Variants in TMTC4 observed in about 807,000 individuals in gnomAD.
The protein encoded by TMTC4 is transmembrane O-mannosyltransferase targeting cadherins 4.
Under a neutral mutation model 86.0 loss-of-function variants are expected in TMTC4, and 65 were observed. That is an observed-to-expected ratio of 0.76 (90% CI 0.62 to 0.93). The LOEUF (loss-of-function observed/expected upper bound fraction) is 0.93. Among genes scored for constraint, TMTC4 ranks in the 40% least tolerant of loss-of-function variants. The pLI, the probability that TMTC4 is intolerant of heterozygous loss-of-function variation, is 0.00. For synonymous variants in TMTC4, 379 were observed against 382.5 expected (o/e 0.99, Z 0.11); for missense variants, 866 against 948.1 (o/e 0.91, Z 1.14).
chr13:100,619,995 A>C lies in TMTC4; in HGVS notation c.1836+5540T>G, dbSNP rs193118366. On this transcript the variant is annotated intron_variant, in intron 15 of 18. Coordinates refer to ENST00000342624, the MANE Select transcript of TMTC4 (RefSeq NM_032813.5). ...TACTATTTATTGAAGAATAGACTGA[A>C]TCAGATAAAATTTAGTTTCATTTTG... 3.9e-5 allele frequency among the ~76,000 whole-genome samples: 6 copies of C among 152,360 alleles called. No individual in the cohort carries two copies. In the East Asian group the frequency reaches 1.2e-3, roughly 29 times the overall value.
intron 6 of TMTC4, among the ~76,000 whole-genome samples, chr13:100,643,508 T>C (rs1008375090): frequency 1.3e-5 from 2 of 152,218 alleles, no homozygotes; most frequent in Non-Finnish European, 1.5e-5. Flanking sequence ...GAAAAACTCA[T>C]AAAGAATGCT....
intron 6 of TMTC4, among the ~76,000 whole-genome samples, chr13:100,645,571 C>T (rs1263551462): frequency 6.6e-6 from 1 of 151,844 alleles, no homozygotes; most frequent in Non-Finnish European, 1.5e-5. Flanking sequence ...GCCCCGTGCA[C>T]CTCTCCATGT....
intron 6 of TMTC4, among the ~76,000 whole-genome samples, chr13:100,651,496 CAAAAAAAAAAA>C (rs58783020): frequency 1.4e-5 from 1 of 73,058 alleles, no homozygotes; most frequent in Non-Finnish European, 2.6e-5. Flanking sequence ...ATTTATGCAC[CAAAAAAAAAAA>C]AAAAAAAAAA....
chr13:100,641,580 TG>T (rs1157522819), intron 7 of TMTC4, among the ~76,000 whole-genome samples: 4 of 152,148 alleles, frequency 2.6e-5, no homozygotes, highest in African/African-American at 9.7e-5. Context: ...CTCCGCCTCC[TG>T]GGTTCAAGCG....
Position 100,664,232 on chromosome 13 carries a change from G to A in TMTC4, c.324C>T (p.Val108=). The change falls in exon 4 of 19, where the codon GTC becomes GTT. Residue 108 remains valine (V), a synonymous_variant. Coordinates refer to ENST00000342624, the MANE Select transcript of TMTC4 (RefSeq NM_032813.5). The part of the protein sequence containing the change: ...TSHKSYRPLT[V]LTFRINYYLS... ...ATGTCACAGCTTACCTGAAAGTCAGGACGGTGAGAGGCCGGTAGGACTTGT... is the reference window on the plus strand; with the variant it reads ...ATGTCACAGCTTACCTGAAAGTCAGAACGGTGAGAGGCCGGTAGGACTTGT... 6.2e-7 allele frequency: 1 copy of A among 1,610,472 alleles called. No homozygotes were observed. Among genetic ancestry groups the A allele is most frequent in the Admixed American group, 1.7e-5 (1 of 59,652 alleles).
chr13:100,642,136 C>T, intron 7 of TMTC4, 75 bp downstream of exon 7: 1 of 1,505,080 alleles, frequency 6.6e-7, no homozygotes. Flanking sequence ...AGAGGCAGGG[C>T]CAGCCCCAGA....
At chr13:100,670,263 A>C in intron 2 of TMTC4, 97 bp downstream of exon 2, 1 of 1,426,578 alleles carries the variant, frequency 7.0e-7, no homozygotes, top group Non-Finnish European at 9.5e-7. Flanking sequence ...AATCAATAAG[A>C]AGCCAGCCAA....
chr13:100,604,443 G>A lies in TMTC4; in HGVS notation c.*551C>T, dbSNP rs931619027. 2 of 152,044 alleles carry A rather than the reference G, an allele frequency of 1.3e-5. No homozygotes were observed. The highest frequency in any genetic ancestry group is 2.9e-5 in the Non-Finnish European group (2 of 68,024). The allele number at this position is 152,044 out of a possible 1,614,324, so 9.4% of individuals were successfully genotyped here. On this transcript the variant is annotated 3_prime_UTR_variant, in exon 19 of 19. Transcript: ENST00000342624. ...ATGTTAAAACTTCCATTCCTCATTC[G>A]ATTATTTGCCCTATTCAAAACATAA...
chr13:100,658,567 A>T (rs758775264), intron 5 of TMTC4, among the ~76,000 whole-genome samples: 2 of 151,942 alleles, frequency 1.3e-5, no homozygotes, highest in Non-Finnish European at 2.9e-5. Flanking sequence ...ACCAAGGGGA[A>T]GTGAGGTGAA....
intron 5 of TMTC4, among the ~76,000 whole-genome samples, chr13:100,662,305 G>A (rs1885881947): frequency 2.7e-5 from 4 of 149,592 alleles, no homozygotes; most frequent in African/African-American, 4.9e-5. Context: ...TGCAGGCACC[G>A]CTTTCCAGTT....
intron 17 of TMTC4, among the ~76,000 whole-genome samples, chr13:100,612,081 C>A (rs1435481357): frequency 6.6e-6 from 1 of 152,218 alleles, no homozygotes; most frequent in East Asian, 1.9e-4. Flanking sequence ...GAGTCCTCCT[C>A]CTGCACCAGC....
At chr13:100,634,677 G>A in intron 12 of TMTC4, 128 bp downstream of exon 12, 2 of 1,215,674 alleles carry the variant, frequency 1.6e-6, no homozygotes, top group South Asian at 2.1e-5. Context: ...ACATAACAAA[G>A]AAAAACCCAA....
At position 100,634,458 on chromosome 13, in the gene TMTC4, G is replaced by C. The variant is rs17578973; in HGVS notation, c.1506+347C>G. On this transcript the variant is annotated intron_variant, in intron 12 of 18. Coordinates refer to ENST00000342624, the MANE Select transcript of TMTC4 (RefSeq NM_032813.5). ...TTTGAAAAGTGTGCTCTAGACATCA[G>C]AATCTGTGCCGTGCCCACCCTCAGT... is the stretch of plus-strand genomic sequence containing the variant. 6.3e-3 allele frequency among the ~76,000 whole-genome samples: 955 copies of C among 152,144 alleles called. 10 individuals are homozygous for C. Among genetic ancestry groups the C allele is most frequent in the Non-Finnish European group, 9.1e-3 (620 of 68,008 alleles).
chr13:100,668,345 G>A (rs867880039), intron 3 of TMTC4: 1 of 536,114 alleles, frequency 1.9e-6, no homozygotes, highest in African/African-American at 1.9e-5. Flanking sequence ...GTGGACTGGA[G>A]CTCTTGAGGG....
At chr13:100,639,193 A>T (rs1165811242) in intron 7 of TMTC4, among the ~76,000 whole-genome samples, 1 of 152,128 alleles carries the variant, frequency 6.6e-6, no homozygotes, top group Non-Finnish European at 1.5e-5. Context: ...ACATCATCAG[A>T]AGTCAGTGGT....
chr13:100,663,592 A>C (rs565574617), intron 4 of TMTC4, among the ~76,000 whole-genome samples: 2 of 152,128 alleles, frequency 1.3e-5, no homozygotes, highest in Admixed American at 6.5e-5. Context: ...TCCTCCAAAA[A>C]AGGGCTCCTC....
At chr13:100,637,416 G>A (rs1882387863) in intron 9 of TMTC4, 122 bp downstream of exon 9, 1 of 1,282,676 alleles carries the variant, frequency 7.8e-7, no homozygotes, top group Non-Finnish European at 1.1e-6. Flanking sequence ...AAACATGGAG[G>A]TGGCGCGTGT....
rs1880408071 is a variant in TMTC4, at chr13:100,625,789, T to C, written c.1690A>G (p.Ile564Val). 3 of 1,613,240 alleles carry C rather than the reference T, an allele frequency of 1.9e-6. No homozygotes were observed. The South Asian group carries it at 3.3e-5, about 18-fold the overall frequency. ...AATTATAAAAACAATGCTTACTGTA[T>C]TTGAACAGCCAAAGACAGCAGCTCC... ...AEELLSLAVQIQPDFAAAWMN... is the reference protein window; with the variant it reads ...AEELLSLAVQVQPDFAAAWMN... The change falls in exon 14 of 19, where the codon ATA (isoleucine) becomes GTA (valine). Residue 564 changes from isoleucine (I) to valine (V), a missense_variant. Physicochemically the swap from Ile to Val is conservative, Grantham distance 29. Transcript: ENST00000342624.
chr13:100,665,256 T>C (rs1886254776), intron 3 of TMTC4, among the ~76,000 whole-genome samples: 1 of 152,170 alleles, frequency 6.6e-6, no homozygotes, highest in African/African-American at 2.4e-5. Context: ...CAAGGCACTG[T>C]GGTGGAGTAA....
Sources: allele counts gnomAD v4.1 joint callset (sites outside exome capture counted in the v4.1 genomes callset), GRCh38; gene constraint gnomAD v4.1.1; transcripts MANE v1.5; gene names NCBI Gene and HGNC (gene_info 2026-07-23, HGNC 2026-07-21).